FARP2: variants seen among roughly 807,000 people sequenced by gnomAD.
FARP2 encodes FERM, ARH/RhoGEF and pleckstrin domain protein 2.
A neutral mutation model predicts 130.5 loss-of-function variants in FARP2; 111 were observed. That is an observed-to-expected ratio of 0.85 (90% confidence interval 0.73 to 1.00). The LOEUF is 1.00. Among genes scored for constraint, FARP2 ranks in the 50% least tolerant of loss-of-function variants. The probability of loss-of-function intolerance (pLI) is 0.00; values close to 1 mark genes in which losing one functional copy is unlikely to be tolerated. For missense variants in FARP2, 1,385 were observed against 1,346.3 expected (o/e 1.03, Z -0.45); for synonymous variants, 504 against 516.9 (o/e 0.98, Z 0.34).
At chr2:241,416,468 TAA>T (rs963764400) in intron 7 of FARP2, among the ~76,000 whole-genome samples, 1 of 152,196 alleles carries the variant, frequency 6.6e-6, no homozygotes, top group Non-Finnish European at 1.5e-5. Flanking sequence ...GGTTTTTTTT[TAA>T]AGACAATATT....
intron 19 of FARP2, among the ~76,000 whole-genome samples, 191 bp downstream of exon 19, chr2:241,476,178 G>C (rs1559805972): frequency 7.2e-6 from 1 of 139,686 alleles, no homozygotes; most frequent in South Asian, 2.2e-4. Flanking sequence ...TTCAAGACCA[G>C]ACTGAGCAAC....
intron 2 of FARP2, among the ~76,000 whole-genome samples, chr2:241,394,951 A>G (rs1377419893): frequency 6.6e-6 from 1 of 152,170 alleles, no homozygotes; most frequent in Non-Finnish European, 1.5e-5. Flanking sequence ...TGATGCTCAC[A>G]CTGTTCTGTG....
rs746151880 is a variant in FARP2 at position 241,434,166 on chromosome 2, C to T, written c.876C>T (p.Tyr292=). 6.2e-7 allele frequency: 1 copy of T among 1,608,784 alleles called. No homozygotes were observed. Among genetic ancestry groups the T allele is most frequent in the South Asian group, 1.1e-5 (1 of 89,990 alleles). The change falls in exon 10 of 27, where the codon TAC becomes TAT. Residue 292 remains tyrosine (Y), a synonymous_variant. Coordinates refer to ENST00000264042, the MANE Select transcript of FARP2 (RefSeq NM_014808.4). ...TTGTGTTTTGTTTCTAGGGACCTTA[C>T]CAGGACACATTAGAATTTTTGTTGG... ...IKLHPEVHGP[Y]QDTLEFLLGS...
At chr2:241,444,953 G>A (rs11902896) in intron 13 of FARP2, 13,652 of 152,082 alleles carry the variant, frequency 0.09, 628 homozygotes, top group Middle Eastern at 0.15. Flanking sequence ...TTTAGAGACA[G>A]GGCCTCACTC....
chr2:241,469,290 T>C (rs944675125), intron 18 of FARP2, among the ~76,000 whole-genome samples: 4 of 152,158 alleles, frequency 2.6e-5, no homozygotes, highest in Non-Finnish European at 5.9e-5. Flanking sequence ...TTTCACCGTG[T>C]TGGCCAGGCT....
At chr2:241,412,821 A>C (rs1046673576) in intron 6 of FARP2, among the ~76,000 whole-genome samples, 6 of 152,172 alleles carry the variant, frequency 3.9e-5, no homozygotes, top group African/African-American at 1.4e-4. Flanking sequence ...TAAGTCCAGG[A>C]GTTTGAGACC....
At position 241,459,782 on chromosome 2, in the gene FARP2, TGA is replaced by T. The variant is rs934372566; in HGVS notation, c.1588-2737_1588-2736del. On this transcript the variant is annotated intron_variant, in intron 14 of 26. Transcript: ENST00000264042. The surrounding 1 kb of genome is among the most constrained non-coding windows in gnomAD (Gnocchi z 5.3). ...TGGCAGCTGCTGTATTTTCTGTCCC[TGA>T]GAGTCTTCTCACGGTATTCCTTGGG... 6.4e-4 allele frequency among the ~76,000 whole-genome samples: 81 copies of T among 127,504 alleles called. No homozygotes were observed. The highest frequency in any genetic ancestry group is 2.4e-3 in the African/African-American group (77 of 32,450). 83.6% of individuals were successfully genotyped at this position (127,504 alleles called of 152,430 possible).
chr2:241,394,517 CAAA>C (rs10592643), intron 2 of FARP2, among the ~76,000 whole-genome samples: 8 of 79,832 alleles, frequency 1.0e-4, no homozygotes, highest in Admixed American at 3.2e-4. Flanking sequence ...GACTCCATCT[CAAA>C]AAAAAAAAAA....
chr2:241,466,329 C>T (rs933568499), intron 17 of FARP2: 1 of 985,332 alleles, frequency 1.0e-6, no homozygotes, highest in African/African-American at 1.7e-5. Context: ...CCAGCCACCC[C>T]TCAGCGACAC....
chr2:241,447,840 G>A (rs2063546668), intron 13 of FARP2, among the ~76,000 whole-genome samples: 2 of 152,180 alleles, frequency 1.3e-5, no homozygotes, highest in African/African-American at 4.8e-5. Flanking sequence ...GTGAGGATAG[G>A]CTCCTCACCT....
In FARP2 at chr2:241,459,720, G is replaced by T. The variant is rs2063961566; in HGVS notation, c.1587+2798G>T. 6.6e-6 allele frequency among the ~76,000 whole-genome samples: 1 copy of T among 152,108 alleles called. No individual in the cohort carries two copies. The highest frequency in any genetic ancestry group is 1.9e-4 in the East Asian group (1 of 5,158). Reference sequence around the variant, plus strand: ...CTGGCCTGCAGCCCAGCTTGCTGGGGGTCAGGTTTGACATTGATCTAGAGG... The same window carrying T: ...CTGGCCTGCAGCCCAGCTTGCTGGGTGTCAGGTTTGACATTGATCTAGAGG... On this transcript the variant is annotated intron_variant, in intron 14 of 26. Transcript: ENST00000264042. The surrounding 1 kb of genome is among the most constrained non-coding windows in gnomAD (Gnocchi z 5.3).
At chr2:241,455,136 A>G (rs1287335599) in intron 13 of FARP2, among the ~76,000 whole-genome samples, 1 of 152,234 alleles carries the variant, frequency 6.6e-6, no homozygotes, top group Admixed American at 6.5e-5. Context: ...TTTGGGTTCT[A>G]TAAACTGGTC....
rs1000261184 is a variant in FARP2, at chr2:241,387,957, A to G, written c.183+14667A>G. 6.1e-4 allele frequency among the ~76,000 whole-genome samples: 93 copies of G among 152,312 alleles called. 1 individual carries two copies. Among genetic ancestry groups the G allele is most frequent in the African/African-American group, 2.2e-3 (91 of 41,562 alleles). On this transcript the variant is annotated intron_variant, in intron 2 of 26. Transcript: ENST00000264042. Reference sequence around the variant, plus strand: ...CTAAATAAGTTGAAAGACAATGTTCATGGATCAGAATACTTAATATTGTTA... The same window carrying G: ...CTAAATAAGTTGAAAGACAATGTTCGTGGATCAGAATACTTAATATTGTTA...
chr2:241,421,266 C>T (rs1035107606), intron 8 of FARP2, among the ~76,000 whole-genome samples: 3 of 152,218 alleles, frequency 2.0e-5, no homozygotes, highest in Non-Finnish European at 2.9e-5. Context: ...CACTGAGGCA[C>T]ACACAGAGAC....
intron 13 of FARP2, chr2:241,444,065 T>C (rs1673288617): frequency 6.6e-6 from 1 of 152,256 alleles, no homozygotes; most frequent in Non-Finnish European, 1.5e-5. Flanking sequence ...TTTGTAGCTT[T>C]GTTATACCTA....
At chr2:241,377,770 A>T (rs2061572839) in intron 2 of FARP2, among the ~76,000 whole-genome samples, 1 of 151,660 alleles carries the variant, frequency 6.6e-6, no homozygotes, top group South Asian at 2.1e-4. Context: ...ATTACTTTTT[A>T]TCATTTTGGT....
rs1575489384 is a variant in FARP2, at chr2:241,388,089, A to C, written c.183+14799A>C. Among the ~76,000 whole-genome samples, 4 of 152,326 alleles carry C rather than the reference A, an allele frequency of 2.6e-5. No individual in the cohort carries two copies. In the South Asian group the frequency reaches 8.3e-4, roughly 32 times the overall value. ...CAGCAGATCTTACAATGTATATAGA[A>C]ATGCAAGGGATAGCCAAAAACCTAA... On this transcript the variant is annotated intron_variant, in intron 2 of 26. Transcript: ENST00000264042.
intron 17 of FARP2, chr2:241,466,787 C>T (rs886306349): frequency 5.9e-6 from 1 of 169,568 alleles, no homozygotes; most frequent in South Asian, 2.0e-4. Context: ...CTCCCTGTAC[C>T]CTGAACTGTG....
At chr2:241,452,963 T>C (rs1349064459) in intron 13 of FARP2, among the ~76,000 whole-genome samples, 1 of 149,978 alleles carries the variant, frequency 6.7e-6, no homozygotes, top group Admixed American at 6.7e-5. Context: ...AAGAAAAATG[T>C]TTAACGGTAA....
Sources: allele counts gnomAD v4.1 joint callset (sites outside exome capture counted in the v4.1 genomes callset), GRCh38; gene constraint gnomAD v4.1.1; non-coding constraint Gnocchi (gnomAD v3.1); transcripts MANE v1.5; gene names NCBI Gene and HGNC (gene_info 2026-07-23, HGNC 2026-07-21).